The following FRS2 variants were observed in gnomAD, a reference collection of about 807,000 sequenced individuals.
The protein encoded by FRS2 is FGFR signalling adaptor.
Under a neutral mutation model 43.9 loss-of-function variants are expected in FRS2, and 8 were observed. The observed-to-expected ratio is 0.18, with a 90% CI of 0.11 to 0.33. The LOEUF (loss-of-function observed/expected upper bound fraction) is 0.33. Ranked by LOEUF, FRS2 falls within the 10% of genes least tolerant of loss-of-function variation. The probability of loss-of-function intolerance (pLI) is 1.00; values close to 1 mark genes in which losing one functional copy is unlikely to be tolerated. For synonymous variants in FRS2, 219 were observed against 220.3 expected (o/e 0.99, Z 0.05); for missense variants, 534 against 627.6 (o/e 0.85, Z 1.59).
At chr12:69,493,632 A>G (rs1246992823) in intron 1 of FRS2, among the ~76,000 whole-genome samples, 1 of 152,138 alleles carries the variant, frequency 6.6e-6, no homozygotes, top group Non-Finnish European at 1.5e-5. Context: ...GAGGCAGGAG[A>G]ATTGCTTGAA....
At chr12:69,539,763 G>A (rs1877695304) in intron 3 of FRS2, among the ~76,000 whole-genome samples, 1 of 152,048 alleles carries the variant, frequency 6.6e-6, no homozygotes, top group Non-Finnish European at 1.5e-5. Flanking sequence ...AGACCAGCCT[G>A]GCCAACATGG....
At chr12:69,527,219 C>T (rs992175447) in intron 1 of FRS2, among the ~76,000 whole-genome samples, 9 of 152,072 alleles carry the variant, frequency 5.9e-5, no homozygotes, top group African/African-American at 2.2e-4. Flanking sequence ...TTTGGATTCA[C>T]CCCTTAATGC....
chr12:69,481,084 G>A (rs1044295119), intron 1 of FRS2, among the ~76,000 whole-genome samples: 1 of 152,152 alleles, frequency 6.6e-6, no homozygotes, highest in Non-Finnish European at 1.5e-5. Context: ...TAGTGCAGTA[G>A]ACCTCTGTAT....
At chr12:69,573,532 G>A (rs12231871) in intron 8 of FRS2, among the ~76,000 whole-genome samples, 18 of 151,484 alleles carry the variant, frequency 1.2e-4, no homozygotes, top group African/African-American at 2.9e-4. Flanking sequence ...GTGTAATCTC[G>A]GCTCACTGCA....
At chr12:69,542,890 A>G (rs1368028468) in intron 3 of FRS2, among the ~76,000 whole-genome samples, 1 of 152,238 alleles carries the variant, frequency 6.6e-6, no homozygotes, top group Non-Finnish European at 1.5e-5. Context: ...AAAACGTCAA[A>G]GAATGAGCTA....
At chr12:69,519,436 G>A (rs998077546) in intron 1 of FRS2, among the ~76,000 whole-genome samples, 11 of 152,130 alleles carry the variant, frequency 7.2e-5, no homozygotes, top group African/African-American at 1.9e-4. Flanking sequence ...TCAGGAATAC[G>A]TGTGCAAGTT....
intron 1 of FRS2, among the ~76,000 whole-genome samples, chr12:69,512,552 G>T (rs995607068): frequency 2.0e-5 from 3 of 152,112 alleles, no homozygotes; most frequent in African/African-American, 7.2e-5. Flanking sequence ...TGAGTGGATT[G>T]TGACCAGAAA....
chr12:69,476,376 C>T (rs926511924), intron 1 of FRS2, among the ~76,000 whole-genome samples: 4 of 152,112 alleles, frequency 2.6e-5, no homozygotes, highest in Admixed American at 6.5e-5. Context: ...GAACTGTGGG[C>T]GCTGCCTGGG....
At chr12:69,564,564 A>G (rs1223568969) in intron 4 of FRS2, among the ~76,000 whole-genome samples, 1 of 152,088 alleles carries the variant, frequency 6.6e-6, no homozygotes, top group Admixed American at 6.5e-5. Context: ...CCATGCTGGA[A>G]ACTGCCTCTG....
chr12:69,489,862 A>G (rs1231238224), intron 1 of FRS2, among the ~76,000 whole-genome samples: 1 of 151,014 alleles, frequency 6.6e-6, no homozygotes, highest in East Asian at 1.9e-4. Context: ...GAGTGTTTGA[A>G]TCTGGCAAAG....
Position 69,574,228 on chromosome 12 carries a change from A to G in FRS2, c.800A>G (p.Lys267Arg). 6.2e-7 allele frequency: 1 copy of G among 1,614,216 alleles called. No homozygotes were observed. The highest frequency in any genetic ancestry group is 8.5e-7 in the Non-Finnish European group (1 of 1,180,028). ...CAAAAGCAGTTAATGGAAAAAGAGA[A>G]ACTGGAGCAACTTGGAAGAGATCAA... Reference protein sequence around the residue: ...PVQKQLMEKEKLEQLGRDQVS... With the variant: ...PVQKQLMEKERLEQLGRDQVS... The change falls in exon 9 of 9, where the codon AAA (lysine) becomes AGA (arginine). Residue 267 changes from lysine to arginine, a missense_variant. By Grantham distance (26) the Lys-to-Arg change is conservative. Transcript: ENST00000549921.
chr12:69,547,494 G>A (rs1878509890), intron 3 of FRS2, among the ~76,000 whole-genome samples: 1 of 151,878 alleles, frequency 6.6e-6, no homozygotes, highest in South Asian at 2.1e-4. Context: ...GATGGATGAT[G>A]GATAGTTAAG....
At position 69,574,720 on chromosome 12, in the gene FRS2, A is replaced by G. The variant is rs769742834; in HGVS notation, c.1292A>G (p.His431Arg). The G allele has an allele frequency of 2.5e-6, 4 of 1,614,182 alleles. No individual in the cohort carries two copies. Among genetic ancestry groups the G allele is most frequent in the Non-Finnish European group, 2.5e-6 (3 of 1,180,006 alleles). ...NFDIRRPSLEHRQLNYIQVDL... is the reference protein window; with the variant it reads ...NFDIRRPSLERRQLNYIQVDL... ...GATATCAGACGCCCAAGTTTAGAAC[A>G]CAGGCAGCTTAATTACATACAGGTT... The change falls in exon 9 of 9, where the codon CAC becomes CGC. Residue 431 changes from histidine (H) to arginine (R), a missense_variant. His to Arg is a conservative substitution (Grantham distance 29, BLOSUM62 0). Coordinates refer to ENST00000549921, the MANE Select transcript of FRS2 (RefSeq NM_001278356.2).
intron 3 of FRS2, 112 bp from the exon 4 acceptor site, chr12:69,562,068 C>A: frequency 2.6e-6 from 1 of 391,660 alleles, no homozygotes; most frequent in Non-Finnish European, 4.5e-6. Flanking sequence ...ATCTTTTAGA[C>A]TTTTGAGTTT....
At chr12:69,565,891 A>G (rs1880254328) in intron 4 of FRS2, among the ~76,000 whole-genome samples, 1 of 152,212 alleles carries the variant, frequency 6.6e-6, no homozygotes, top group Admixed American at 6.5e-5. Flanking sequence ...GTAAATACAT[A>G]AACCAATTAC....
intron 1 of FRS2, among the ~76,000 whole-genome samples, chr12:69,500,933 T>C (rs990409131): frequency 6.6e-6 from 1 of 152,232 alleles, no homozygotes; most frequent in Non-Finnish European, 1.5e-5. Flanking sequence ...AATTTGTCCC[T>C]TAATTCTGAA....
chr12:69,532,485 G>A (rs1391712523), intron 3 of FRS2, among the ~76,000 whole-genome samples: 1 of 152,198 alleles, frequency 6.6e-6, no homozygotes, highest in Non-Finnish European at 1.5e-5. Context: ...ATCCTCCAGA[G>A]GGGAGGAATG....
chr12:69,498,519 T>TTGTGTGTG (rs71094717), intron 1 of FRS2, among the ~76,000 whole-genome samples: 5,203 of 141,554 alleles, frequency 0.037, 294 homozygotes, highest in East Asian at 0.32. Context: ...TTATGAGGGT[T>TTGTGTGTG]TGTGTGTGTG....
intron 1 of FRS2, among the ~76,000 whole-genome samples, chr12:69,505,051 G>A (rs1873800664): frequency 6.6e-6 from 1 of 152,178 alleles, no homozygotes; most frequent in Non-Finnish European, 1.5e-5. Context: ...TAGAGATGGA[G>A]TCTCAGTATA....
Sources: allele counts gnomAD v4.1 joint callset (sites outside exome capture counted in the v4.1 genomes callset), GRCh38; gene constraint gnomAD v4.1.1; transcripts MANE v1.5; gene names NCBI Gene and HGNC (gene_info 2026-07-23, HGNC 2026-07-21).